Variants in SLC1A2 observed in about 807,000 individuals in gnomAD.
The protein encoded by SLC1A2 is excitatory amino acid transporter 2.
Under a neutral mutation model 48.8 loss-of-function variants are expected in SLC1A2, and 15 were observed. That is an observed-to-expected ratio of 0.31 (90% CI 0.21 to 0.47). The LOEUF is 0.47. Among genes scored for constraint, SLC1A2 ranks in the 20% least tolerant of loss-of-function variants. The pLI is 0.99. For synonymous variants in SLC1A2, 279 were observed against 272.6 expected (o/e 1.02, Z -0.23); for missense variants, 502 against 730.5 (o/e 0.69, Z 3.61).
intron 1 of SLC1A2, among the ~76,000 whole-genome samples, chr11:35,416,529 A>C (rs1376687425): frequency 6.6e-6 from 1 of 152,252 alleles, no homozygotes; most frequent in Non-Finnish European, 1.5e-5. Flanking sequence ...AATTCTTTAG[A>C]AATTGGTAAT....
At chr11:35,317,540 A>T (rs1851924039) in intron 1 of SLC1A2, 24 bp from the exon 2 acceptor site, 18 of 1,607,686 alleles carry the variant, frequency 1.1e-5, no homozygotes, top group Non-Finnish European at 1.5e-5. Context: ...GAAGGCAGAG[A>T]TTAGAGAGAC....
At chr11:35,311,806 A>C (rs1370495644) in intron 4 of SLC1A2, among the ~76,000 whole-genome samples, 1 of 151,166 alleles carries the variant, frequency 6.6e-6, no homozygotes, top group Non-Finnish European at 1.5e-5. Context: ...AAATATGCCC[A>C]TGGACAACTC....
intron 6 of SLC1A2, among the ~76,000 whole-genome samples, chr11:35,300,127 C>G (rs1197381263): frequency 6.6e-6 from 1 of 152,128 alleles, no homozygotes; most frequent in Non-Finnish European, 1.5e-5. Context: ...GAGTCACTGA[C>G]TATAAACACA....
chr11:35,326,544 C>G (rs1054478134), intron 1 of SLC1A2, among the ~76,000 whole-genome samples: 1 of 152,196 alleles, frequency 6.6e-6, no homozygotes, highest in Admixed American at 6.5e-5. Flanking sequence ...AGGACTGGGT[C>G]TTTTTATCAC....
In SLC1A2 at chr11:35,254,241, A is replaced by G. The variant is rs1950283210; in HGVS notation, c.*6653T>C. On this transcript the variant is annotated 3_prime_UTR_variant, in exon 11 of 11. Transcript: ENST00000278379. ...AAAAAAGTAGTTTTTTTATATACAA[A>G]TCTCTATAGTGACCAGATAATCTGA... The G allele has an allele frequency of 6.6e-6, 1 of 152,608 alleles. No homozygotes were observed. Among genetic ancestry groups the G allele is most frequent in the Non-Finnish European group, 1.5e-5 (1 of 68,036 alleles). The allele number at this position is 152,608 out of a possible 1,614,324, so 9.5% of individuals were successfully genotyped here.
intron 10 of SLC1A2, chr11:35,264,195 G>T (rs1372904594): frequency 6.6e-6 from 1 of 152,184 alleles, no homozygotes; most frequent in Non-Finnish European, 1.5e-5. Flanking sequence ...ATCTTACAAA[G>T]AGAGGACAAG....
intron 1 of SLC1A2, among the ~76,000 whole-genome samples, chr11:35,376,419 A>G (rs1277598120): frequency 6.6e-6 from 1 of 152,206 alleles, no homozygotes; most frequent in Non-Finnish European, 1.5e-5. Flanking sequence ...TCAATGCTCT[A>G]TGGTTATGTA....
At chr11:35,389,036 A>G (rs891974767) in intron 1 of SLC1A2, among the ~76,000 whole-genome samples, 8 of 152,300 alleles carry the variant, frequency 5.3e-5, no homozygotes, top group African/African-American at 1.9e-4. Flanking sequence ...AGTCCCCACC[A>G]GTATGCAATA....
intron 1 of SLC1A2, among the ~76,000 whole-genome samples, chr11:35,340,701 C>A (rs1182455995): frequency 6.6e-6 from 1 of 152,182 alleles, no homozygotes; most frequent in Non-Finnish European, 1.5e-5. Context: ...CTGGTTCCCC[C>A]CTCCCCTTTG....
intron 5 of SLC1A2, among the ~76,000 whole-genome samples, chr11:35,302,963 C>T (rs1348394386): frequency 4.0e-5 from 6 of 150,838 alleles, no homozygotes; most frequent in African/African-American, 1.2e-4. Context: ...GGCTACAGGA[C>T]TTTGCTTCCC....
chr11:35,406,956 A>G (rs2135286607), intron 1 of SLC1A2, among the ~76,000 whole-genome samples: 1 of 152,334 alleles, frequency 6.6e-6, no homozygotes, highest in East Asian at 1.9e-4. Flanking sequence ...GCCCAAGAGG[A>G]GATTGGGATT....
At position 35,315,131 on chromosome 11, in the gene SLC1A2, A is replaced by G. The variant is rs894997341; in HGVS notation, c.202T>C (p.Ser68Pro). ...ATAACCACATCAGGGTGGATGGGAGATGCCAAGCGAAGAAGCCCTCCACAC... is the reference window on the plus strand; with the variant it reads ...ATAACCACATCAGGGTGGATGGGAGGTGCCAAGCGAAGAAGCCCTCCACAC... ...AVCGGLLRLA[S>P]PIHPDVVMLI... Residue 68 changes from serine to proline, a missense_variant, in exon 3 of 11, where the codon TCT (serine) becomes CCT (proline). Physicochemically the swap from Ser to Pro is moderately conservative, Grantham distance 74. This residue lies in a region of SLC1A2 where 89 missense variants were observed against 119.7 expected (regional missense o/e 0.74). Transcript: ENST00000278379. 3.7e-6 allele frequency: 6 copies of G among 1,613,210 alleles called. No individual in the cohort carries two copies. Among genetic ancestry groups the G allele is most frequent in the Non-Finnish European group, 5.1e-6 (6 of 1,179,174 alleles).
At chr11:35,347,437 T>C (rs1853080613) in intron 1 of SLC1A2, among the ~76,000 whole-genome samples, 1 of 152,228 alleles carries the variant, frequency 6.6e-6, no homozygotes, top group South Asian at 2.1e-4. Context: ...TTTCATCTCA[T>C]GGGCAAAGTC....
chr11:35,335,008 GT>G lies in SLC1A2; in HGVS notation c.18-17493del, dbSNP rs1208214258. 2.0e-5 allele frequency among the ~76,000 whole-genome samples: 3 copies of G among 152,188 alleles called. No individual in the cohort carries two copies. The East Asian group carries it at 5.8e-4, about 29-fold the overall frequency. On this transcript the variant is annotated intron_variant, in intron 1 of 10. Transcript: ENST00000278379. The stretch of plus-strand genomic sequence containing the variant: ...GTAGACAGCTGGGAATCACACCTTG[GT>G]CTGTCTTCATCCAAACCCAACCCCT...
chr11:35,406,660 A>G (rs562138745), intron 1 of SLC1A2, among the ~76,000 whole-genome samples: 1 of 152,204 alleles, frequency 6.6e-6, no homozygotes, highest in Admixed American at 6.5e-5. Flanking sequence ...CAGGGTTAAT[A>G]CCAACATTTC....
Position 35,265,515 on chromosome 11 carries a change from T to C in SLC1A2, c.1653+12A>G. On this transcript the variant is annotated intron_variant, in intron 10 of 10. Coordinates refer to ENST00000278379, the MANE Select transcript of SLC1A2 (RefSeq NM_004171.4). ...ATATACAAGTCTCGATATCCATGAA[T>C]GGGAAATGTACCTTGCATTCATCTA... 2 of 1,385,558 alleles carry C rather than the reference T, an allele frequency of 1.4e-6. No homozygotes were observed. Among genetic ancestry groups the C allele is most frequent in the East Asian group, 2.3e-5 (1 of 43,812 alleles). The allele number at this position is 1,385,558 out of a possible 1,614,324, so 85.8% of individuals were successfully genotyped here.
intron 1 of SLC1A2, among the ~76,000 whole-genome samples, chr11:35,330,242 C>A (rs945944956): frequency 6.6e-6 from 1 of 152,210 alleles, no homozygotes; most frequent in African/African-American, 2.4e-5. Flanking sequence ...GCCTCCCAGA[C>A]CTGCACACAA....
At chr11:35,280,770 G>T in intron 9 of SLC1A2, 97 bp downstream of exon 9, 1 of 721,684 alleles carries the variant, frequency 1.4e-6, no homozygotes, top group Non-Finnish European at 2.3e-6. Context: ...GAGTTGCCAT[G>T]GGGATTAGCT....
intron 1 of SLC1A2, among the ~76,000 whole-genome samples, chr11:35,336,669 T>G (rs1221504945): frequency 2.0e-5 from 3 of 152,184 alleles, no homozygotes; most frequent in Admixed American, 2.0e-4. Context: ...CAGAATCACA[T>G]AGCTAAACCT....
Sources: allele counts gnomAD v4.1 joint callset (sites outside exome capture counted in the v4.1 genomes callset), GRCh38; gene constraint gnomAD v4.1.1; regional missense constraint gnomAD v4.1.1; transcripts MANE v1.5; gene names NCBI Gene and HGNC (gene_info 2026-07-23, HGNC 2026-07-21).